PCDH11X: variants seen among roughly 807,000 people sequenced by gnomAD.
PCDH11X encodes the protein protocadherin 11 X-linked.
In PCDH11X, 18 loss-of-function variants were observed where a neutral mutation model predicts 53.3. The observed-to-expected ratio is 0.34, with a 90% CI of 0.23 to 0.50. The LOEUF is 0.50. Among genes scored for constraint, PCDH11X ranks in the 20% least tolerant of loss-of-function variants. The probability of loss-of-function intolerance (pLI) is 0.98; values close to 1 mark genes in which losing one functional copy is unlikely to be tolerated. For missense variants in PCDH11X, 570 were observed against 1,032.4 expected, an observed-to-expected ratio of 0.55 and a Z score of 6.14; for synonymous variants, 279 against 393.3, an observed-to-expected ratio of 0.71 and a Z score of 3.44.
At chrX:92,583,660 A>C (rs1923987977) in intron 10 of PCDH11X, among the ~76,000 whole-genome samples, 1 of 53,958 alleles carries the variant, frequency 1.9e-5, no homozygotes, top group African/African-American at 8.7e-5. Context: ...GGTAGTGAAT[A>C]AGTCTCACAA....
chrX:92,374,983 A>C (rs2070706332), intron 8 of PCDH11X, among the ~76,000 whole-genome samples: 1 of 106,256 alleles, frequency 9.4e-6, no homozygotes, highest in Non-Finnish European at 1.9e-5. Flanking sequence ...GGATAAGCAA[A>C]CTTAGATGTG....
At chrX:92,329,759 G>C (rs2069418356) in intron 8 of PCDH11X, among the ~76,000 whole-genome samples, 2 of 111,406 alleles carry the variant, frequency 1.8e-5, no homozygotes, top group Admixed American at 1.9e-4. Context: ...TCACTTATTT[G>C]TGAGAGCTAA....
chrX:91,782,667 G>A (rs1421056993), intron 1 of PCDH11X, among the ~76,000 whole-genome samples: 2 of 108,527 alleles, frequency 1.8e-5, no homozygotes, highest in African/African-American at 6.7e-5. Flanking sequence ...CTGCAAATTG[G>A]AAGTTGCGGA....
chrX:92,015,114 A>G (rs1332209942), intron 6 of PCDH11X, among the ~76,000 whole-genome samples: 1 of 112,341 alleles, frequency 8.9e-6, no homozygotes, highest in Non-Finnish European at 1.9e-5. Flanking sequence ...ATTTCAAAAT[A>G]TTTTATTGCT....
intron 6 of PCDH11X, among the ~76,000 whole-genome samples, chrX:92,035,939 C>T (rs1261213506): frequency 1.0e-4 from 2 of 20,017 alleles, no homozygotes; most frequent in East Asian, 3.3e-3. Flanking sequence ...TTAAAAGAGT[C>T]GATGCATTCT....
chrX:92,130,157 A>T (rs2148194160), intron 6 of PCDH11X, among the ~76,000 whole-genome samples: 1 of 111,489 alleles, frequency 9.0e-6, no homozygotes, highest in East Asian at 2.8e-4. Context: ...GTAATCTATT[A>T]TTCATTAAAC....
intron 8 of PCDH11X, among the ~76,000 whole-genome samples, chrX:92,366,740 T>G: frequency 9.9e-6 from 1 of 100,950 alleles, no homozygotes; most frequent in Non-Finnish European, 2.0e-5. Flanking sequence ...CTGCCTTAAT[T>G]TTGTTATTTA....
intron 6 of PCDH11X, among the ~76,000 whole-genome samples, chrX:92,058,448 T>C (rs1425961866): frequency 1.8e-5 from 2 of 110,906 alleles, no homozygotes; most frequent in East Asian, 5.7e-4. Context: ...CTATATTTCA[T>C]AAACCTACCA....
intron 7 of PCDH11X, among the ~76,000 whole-genome samples, chrX:92,235,021 T>C (rs73528417): frequency 0.075 from 8,303 of 110,224 alleles, 660 homozygotes; most frequent in African/African-American, 0.24. Flanking sequence ...TTTTCAAAAA[T>C]TGAAAGTCCA....
intron 7 of PCDH11X, among the ~76,000 whole-genome samples, chrX:92,244,747 G>A (rs1175466045): frequency 1.8e-5 from 2 of 111,525 alleles, no homozygotes; most frequent in Non-Finnish European, 3.8e-5. Context: ...CACGGTCATA[G>A]AGTTAAGTGG....
intron 6 of PCDH11X, among the ~76,000 whole-genome samples, chrX:92,105,659 A>C (rs2064367354): frequency 9.8e-6 from 1 of 102,155 alleles, no homozygotes; most frequent in Non-Finnish European, 2.0e-5. Flanking sequence ...CTCAGTGGGC[A>C]GGAGTGGGGG....
chrX:92,533,015 C>T (rs1331411302), intron 10 of PCDH11X, among the ~76,000 whole-genome samples: 1 of 110,324 alleles, frequency 9.1e-6, no homozygotes, highest in Non-Finnish European at 1.9e-5. Context: ...CACTGGGTCC[C>T]TCCCACAACA....
At chrX:91,907,593 T>C (rs1941229230) in intron 6 of PCDH11X, among the ~76,000 whole-genome samples, 1 of 108,405 alleles carries the variant, frequency 9.2e-6, no homozygotes, top group Non-Finnish European at 1.9e-5. Context: ...GTTATTTCTT[T>C]AACAGTTTTT....
intron 6 of PCDH11X, among the ~76,000 whole-genome samples, chrX:91,915,443 G>T (rs7060146): frequency 0.078 from 8,597 of 110,360 alleles, 321 homozygotes; most frequent in African/African-American, 0.14. Flanking sequence ...GTCTTCAAGA[G>T]ACTCACTAAC....
intron 8 of PCDH11X, among the ~76,000 whole-genome samples, chrX:92,334,511 C>A (rs2069569284): frequency 9.0e-6 from 1 of 111,532 alleles, no homozygotes; most frequent in African/African-American, 3.3e-5. Context: ...TCTTTCAGTT[C>A]TTGTGTATAT....
intron 6 of PCDH11X, chrX:91,883,785 A>G (rs2147746517): frequency 1.5e-5 from 11 of 711,365 alleles, no homozygotes; most frequent in Non-Finnish European, 1.8e-5. Flanking sequence ...AGCCTGGGTG[A>G]CAGAGCAAGA....
chrX:92,074,194 T>C (rs1053032597), intron 6 of PCDH11X, among the ~76,000 whole-genome samples: 5 of 111,567 alleles, frequency 4.5e-5, no homozygotes, highest in Non-Finnish European at 9.4e-5. Flanking sequence ...TTAATTCCTT[T>C]TTGCCAATAT....
chrX:91,850,431 A>G (rs1299419001), intron 5 of PCDH11X, among the ~76,000 whole-genome samples: 1 of 111,722 alleles, frequency 9.0e-6, no homozygotes, highest in South Asian at 3.8e-4. Context: ...GATACCTACA[A>G]TTTTAACTTC....
chrX:92,604,846 A>G (rs983375278), intron 10 of PCDH11X, among the ~76,000 whole-genome samples: 1 of 109,551 alleles, frequency 9.1e-6, no homozygotes, highest in African/African-American at 3.4e-5. Context: ...AAAGAGGAAC[A>G]TTTTATCATG....
Sources: gnomAD v4.1 joint callset for allele counts (sites outside exome capture counted in the v4.1 genomes callset) on GRCh38, gnomAD v4.1.1 for gene constraint, MANE v1.5 for transcripts, NCBI Gene and HGNC (gene_info 2026-07-23, HGNC 2026-07-21) for gene names.